KCND2: variants seen among roughly 807,000 people sequenced by gnomAD.
KCND2 encodes the protein A-type voltage-gated potassium channel KCND2.
Under a neutral mutation model 54.4 loss-of-function variants are expected in KCND2, and 16 were observed. The observed-to-expected ratio is 0.29, with a 90% CI of 0.20 to 0.45. The LOEUF (loss-of-function observed/expected upper bound fraction) is 0.45, where lower values mean the gene tolerates loss of function less well. Ranked by LOEUF, KCND2 falls within the 20% of genes least tolerant of loss-of-function variation. The probability of loss-of-function intolerance (pLI) is 1.00; values close to 1 mark genes in which losing one functional copy is unlikely to be tolerated. For missense variants in KCND2, 486 were observed against 824.2 expected (o/e 0.59, Z 5.02); for synonymous variants, 317 against 310.7 (o/e 1.02, Z -0.21).
chr7:120,412,041 T>C (rs1328137095), intron 1 of KCND2, among the ~76,000 whole-genome samples: 11 of 152,004 alleles, frequency 7.2e-5, no homozygotes, highest in Non-Finnish European at 8.8e-5. Flanking sequence ...AATATTGTAC[T>C]ACCTTTTATT....
chr7:120,339,095 C>T (rs1584737158), intron 1 of KCND2, among the ~76,000 whole-genome samples: 1 of 150,784 alleles, frequency 6.6e-6, no homozygotes, highest in East Asian at 1.9e-4. Context: ...AGGGCTTCAC[C>T]GTGTTAGCTA....
chr7:120,560,707 C>A (rs958603975), intron 1 of KCND2, among the ~76,000 whole-genome samples: 9 of 152,102 alleles, frequency 5.9e-5, no homozygotes, highest in Non-Finnish European at 1.2e-4. Flanking sequence ...GCAGGGAAAC[C>A]AAGGTTATCA....
intron 1 of KCND2, among the ~76,000 whole-genome samples, chr7:120,422,116 G>T (rs1801634937): frequency 6.6e-6 from 1 of 152,192 alleles, no homozygotes; most frequent in African/African-American, 2.4e-5. Flanking sequence ...GACATATGTA[G>T]CAGGGTTGAA....
At chr7:120,505,318 C>T (rs1169432516) in intron 1 of KCND2, among the ~76,000 whole-genome samples, 1 of 151,518 alleles carries the variant, frequency 6.6e-6, no homozygotes, top group Non-Finnish European at 1.5e-5. Context: ...AAAAGCAAAT[C>T]TCAGGGCAGA....
At chr7:120,657,689 C>A (rs1004848813) in intron 1 of KCND2, among the ~76,000 whole-genome samples, 1 of 151,652 alleles carries the variant, frequency 6.6e-6, no homozygotes, top group Non-Finnish European at 1.5e-5. Context: ...CCATCTCTAC[C>A]AAAAAAAAGT....
intron 1 of KCND2, among the ~76,000 whole-genome samples, chr7:120,336,719 GA>G (rs199618441): frequency 1.6e-3 from 244 of 150,876 alleles, no homozygotes; most frequent in Non-Finnish European, 1.3e-3. Context: ...AAAGAGATGA[GA>G]AAAAAAAATC....
At chr7:120,573,431 G>A (rs1415694588) in intron 1 of KCND2, among the ~76,000 whole-genome samples, 1 of 152,148 alleles carries the variant, frequency 6.6e-6, no homozygotes, top group Non-Finnish European at 1.5e-5. Context: ...TAGCCCATCC[G>A]AAGTTTCTAT....
At chr7:120,328,148 T>C (rs1800008258) in intron 1 of KCND2, among the ~76,000 whole-genome samples, 1 of 152,170 alleles carries the variant, frequency 6.6e-6, no homozygotes, top group South Asian at 2.1e-4. Flanking sequence ...GTGGTATTGT[T>C]CAATAGCTCA....
In KCND2 at chr7:120,747,256, C is replaced by T. The variant is rs983665457; in HGVS notation, c.1716-425C>T. ...CAGAGGTTTGAGGGCATTATATATCCCAAAAAGACATGAAAATAAAAATAT... is the reference window on the plus strand; with the variant it reads ...CAGAGGTTTGAGGGCATTATATATCTCAAAAAGACATGAAAATAAAAATAT... On this transcript the variant is annotated intron_variant, in intron 5 of 5. Coordinates refer to ENST00000331113, the MANE Select transcript of KCND2 (RefSeq NM_012281.3). Among the ~76,000 whole-genome samples the T allele has an allele frequency of 8.6e-5, 13 of 151,746 alleles. No homozygotes were observed. In the South Asian group the frequency reaches 1.7e-3, roughly 19 times the overall value.
In KCND2 at chr7:120,701,075, G is replaced by A. The variant is rs565350911; in HGVS notation, c.1116-31828G>A. On this transcript the variant is annotated intron_variant, in intron 1 of 5. Coordinates refer to ENST00000331113, the MANE Select transcript of KCND2 (RefSeq NM_012281.3). ...AGCTTTTACATTTGTGTTCAAAGTA[G>A]CAGATGATAGAAAGGGGAAAAATAA... is the stretch of plus-strand genomic sequence containing the variant. Among the ~76,000 whole-genome samples, 10 of 151,962 alleles carry A rather than the reference G, an allele frequency of 6.6e-5. No homozygotes were observed. In the East Asian group the frequency reaches 1.4e-3, roughly 21 times the overall value.
At chr7:120,671,067 C>T (rs988055359) in intron 1 of KCND2, among the ~76,000 whole-genome samples, 1 of 152,088 alleles carries the variant, frequency 6.6e-6, no homozygotes, top group Non-Finnish European at 1.5e-5. Context: ...CCCATTCCAA[C>T]TTATGTTTGT....
chr7:120,506,802 C>T (rs1336218492), intron 1 of KCND2, among the ~76,000 whole-genome samples: 4 of 151,824 alleles, frequency 2.6e-5, no homozygotes, highest in Admixed American at 2.0e-4. Context: ...TGTAGCTAAA[C>T]TATCTGTAGA....
chr7:120,659,320 G>A (rs1791839560), intron 1 of KCND2, among the ~76,000 whole-genome samples: 1 of 152,024 alleles, frequency 6.6e-6, no homozygotes, highest in African/African-American at 2.4e-5. Flanking sequence ...ACTAAAGAGG[G>A]GAGAGCTCCC....
At chr7:120,515,346 T>G (rs1325513079) in intron 1 of KCND2, among the ~76,000 whole-genome samples, 2 of 152,132 alleles carry the variant, frequency 1.3e-5, no homozygotes, top group Non-Finnish European at 2.9e-5. Flanking sequence ...GAGTTTTTAT[T>G]GCTGTATCGG....
At chr7:120,401,931 C>G (rs10488289) in intron 1 of KCND2, among the ~76,000 whole-genome samples, 15,771 of 152,108 alleles carry the variant, frequency 0.1, 855 homozygotes, top group Admixed American at 0.13. Context: ...TTAAGTATAT[C>G]CTCATTGGTA....
At chr7:120,309,968 T>C (rs1799713879) in intron 1 of KCND2, among the ~76,000 whole-genome samples, 1 of 152,226 alleles carries the variant, frequency 6.6e-6, no homozygotes, top group Non-Finnish European at 1.5e-5. Flanking sequence ...TCTTGTGTAC[T>C]TCACAGGTTT....
At chr7:120,351,955 G>A (rs1473819088) in intron 1 of KCND2, among the ~76,000 whole-genome samples, 1 of 151,856 alleles carries the variant, frequency 6.6e-6, no homozygotes, top group Non-Finnish European at 1.5e-5. Flanking sequence ...GGGACTGCGG[G>A]CATGCACCAC....
intron 1 of KCND2, among the ~76,000 whole-genome samples, chr7:120,492,512 AG>A (rs1802799234): frequency 6.6e-6 from 1 of 152,018 alleles, no homozygotes; most frequent in African/African-American, 2.4e-5. Context: ...ACAGTTCTGG[AG>A]GTTAGGAAGC....
intron 1 of KCND2, among the ~76,000 whole-genome samples, chr7:120,690,472 C>CAGACATGCTG (rs1792255041): frequency 6.6e-6 from 1 of 152,168 alleles, no homozygotes; most frequent in Admixed American, 6.5e-5. Flanking sequence ...CGTGCTTGCA[C>CAGACATGCTG]AGACATGCTG....
Sources: allele counts gnomAD v4.1 joint callset (sites outside exome capture counted in the v4.1 genomes callset), GRCh38; gene constraint gnomAD v4.1.1; transcripts MANE v1.5; gene names NCBI Gene and HGNC (gene_info 2026-07-23, HGNC 2026-07-21).